Variants in AKT2 observed in about 807,000 individuals in gnomAD.
AKT2 encodes AKT serine/threonine kinase 2, also known as RAC-beta serine/threonine-protein kinase.
Under a neutral mutation model 58.6 loss-of-function variants are expected in AKT2, and 16 were observed. The ratio of observed to expected loss-of-function variants is 0.27; its 90% CI spans 0.18 to 0.41. The LOEUF (loss-of-function observed/expected upper bound fraction) is 0.41. Among genes scored for constraint, AKT2 ranks in the 10% least tolerant of loss-of-function variants. The pLI, the probability that AKT2 is intolerant of heterozygous loss-of-function variation, is 1.00. For synonymous variants in AKT2, 253 were observed against 254.0 expected (o/e 1.00, Z 0.04); for missense variants, 438 against 661.0 (o/e 0.66, Z 3.70).
chr19:40,254,441 T>A (rs958728927), intron 4 of AKT2, among the ~76,000 whole-genome samples: 1 of 150,684 alleles, frequency 6.6e-6, no homozygotes, highest in Non-Finnish European at 1.5e-5. Flanking sequence ...GGCAGGAGAA[T>A]CACTTGAACC....
At chr19:40,272,533 C>T (rs1002524296) in intron 1 of AKT2, among the ~76,000 whole-genome samples, 3 of 152,192 alleles carry the variant, frequency 2.0e-5, no homozygotes, top group African/African-American at 4.8e-5. Context: ...TTTTCTGAAA[C>T]GCACACACAC....
At chr19:40,250,658 T>C (rs1044026692) in intron 4 of AKT2, among the ~76,000 whole-genome samples, 4 of 151,880 alleles carry the variant, frequency 2.6e-5, no homozygotes, top group African/African-American at 7.3e-5. Flanking sequence ...TGAAACCCCA[T>C]CTCTACAAAA....
Position 40,235,982 on chromosome 19 carries a change from G to A in AKT2, c.1083C>T (p.Leu361=). ...YNQDHERLFE[L]ILMEEIRFPR... ...GGAAGCGGATCTCTTCCATGAGGAT[G>A]AGCTCGAAGAGGCGCTCGTGGTCCT... Residue 361 remains leucine (L), a synonymous_variant, in exon 11 of 14, where the codon CTC becomes CTT. Transcript: ENST00000392038. This position sits in a 1 kb window ranked among gnomAD's most constrained non-coding sequence, Gnocchi z 6.3. 1 of 1,614,106 alleles carries A rather than the reference G, an allele frequency of 6.2e-7. No individual in the cohort carries two copies. Among genetic ancestry groups the A allele is most frequent in the Non-Finnish European group, 8.5e-7 (1 of 1,180,040 alleles).
In AKT2 at chr19:40,242,721, G is replaced by C; in HGVS notation, c.288-34C>G. On this transcript the variant is annotated intron_variant, in intron 4 of 13. Coordinates refer to ENST00000392038, the MANE Select transcript of AKT2 (RefSeq NM_001626.6). The surrounding 1 kb of genome is among the most constrained non-coding windows in gnomAD (Gnocchi z 4.3). ...GGACACACGTGAGTCCCAGCAGCCA[G>C]GAGTCCTGGGCCTCAGAGTCGAACA... The C allele has an allele frequency of 4.4e-6, 7 of 1,606,042 alleles. No individual in the cohort carries two copies. Among genetic ancestry groups the C allele is most frequent in the Non-Finnish European group, 5.9e-6 (7 of 1,179,624 alleles).
chr19:40,275,222 G>A (rs762498267), intron 1 of AKT2: 2 of 456,840 alleles, frequency 4.4e-6, no homozygotes, highest in East Asian at 7.0e-5. Flanking sequence ...CCCATCTTGT[G>A]TCGCCTCCTC....
At chr19:40,265,492 G>C in intron 1 of AKT2, 141 bp from the exon 2 acceptor site, 1 of 1,145,184 alleles carries the variant, frequency 8.7e-7, no homozygotes, top group South Asian at 1.6e-5. Flanking sequence ...CGTGGAGCCC[G>C]CTCTCAAGGA....
In AKT2 at chr19:40,235,426, G is replaced by C. The variant is rs892948177; in HGVS notation, c.1176-76C>G. On this transcript the variant is annotated intron_variant, in intron 11 of 13. Transcript: ENST00000392038. The surrounding 1 kb of genome is among the most constrained non-coding windows in gnomAD (Gnocchi z 6.3). ...GCAGACGGGCTTTCGGAGCAGGCAG[G>C]CCCTGTATGGCCCTTAATGATTCTG... The C allele has an allele frequency of 2.5e-6, 3 of 1,222,998 alleles. No individual in the cohort carries two copies. Among genetic ancestry groups the C allele is most frequent in the Admixed American group, 3.5e-5 (2 of 57,796 alleles). The allele number at this position is 1,222,998 out of a possible 1,614,324, so 75.8% of individuals were successfully genotyped here. A position where few individuals can be genotyped will look rare whatever the true frequency, so the allele number is the denominator to read the frequency against.
intron 4 of AKT2, among the ~76,000 whole-genome samples, chr19:40,250,119 G>A (rs1975043126): frequency 6.6e-6 from 1 of 152,220 alleles, no homozygotes; most frequent in African/African-American, 2.4e-5. Context: ...GATCATACAG[G>A]ACTCTGCAGG....
intron 4 of AKT2, among the ~76,000 whole-genome samples, chr19:40,251,082 T>C (rs1357099964): frequency 1.3e-5 from 2 of 151,976 alleles, no homozygotes; most frequent in Admixed American, 6.6e-5. Flanking sequence ...TGCATACCTT[T>C]AGTCCCAGCT....
At chr19:40,265,188 A>G (rs1568560632) in intron 2 of AKT2, 34 bp downstream of exon 2, 6 of 1,607,844 alleles carry the variant, frequency 3.7e-6, no homozygotes, top group Non-Finnish European at 5.1e-6. Context: ...CCAGCGTGGG[A>G]GAAAGAATCT....
intron 4 of AKT2, among the ~76,000 whole-genome samples, chr19:40,248,365 G>T (rs1439605051): frequency 6.6e-6 from 1 of 152,236 alleles, no homozygotes; most frequent in Non-Finnish European, 1.5e-5. Context: ...GGGCACTGTG[G>T]ATGCAGCAGG....
Position 40,254,348 on chromosome 19 carries a change from C to T in AKT2, c.287+810G>A, listed in dbSNP as rs187565657. On this transcript the variant is annotated intron_variant, in intron 4 of 13. Transcript: ENST00000392038. ...TTCGAGACCAGTGTGGCCAACATGG[C>T]GAAATCCTGTCTCTACTAAAAATAC... Among the ~76,000 whole-genome samples the T allele has an allele frequency of 1.4e-3, 220 of 151,918 alleles. 1 individual carries two copies. Among genetic ancestry groups the T allele is most frequent in the Non-Finnish European group, 2.5e-3 (172 of 67,972 alleles).
rs753149827 is a variant in AKT2 at position 40,236,008 on chromosome 19, G to C, written c.1057C>G (p.Gln353Glu). Residue 353 changes from glutamine (Q) to glutamate (E), a missense_variant, in exon 11 of 14, where the codon CAG (glutamine) becomes GAG (glutamate). Coordinates refer to ENST00000392038, the MANE Select transcript of AKT2 (RefSeq NM_001626.6). ...MMCGRLPFYN[Q>E]DHERLFELIL... ...AGCTCGAAGAGGCGCTCGTGGTCCT[G>C]GTTGTAGAAGGGCAGGCGGCCGCAC... The C allele has an allele frequency of 6.2e-7, 1 of 1,614,124 alleles. No homozygotes were observed. Among genetic ancestry groups the C allele is most frequent in the East Asian group, 2.2e-5 (1 of 44,872 alleles).
chr19:40,285,188 C>T lies in AKT2; in HGVS notation c.-92G>A. ...ACGCGCTGGCGCACTCACCTGTCACCGGCAGCCGCCCAGCCTCTCCGGCGG... is the reference window on the plus strand; with the variant it reads ...ACGCGCTGGCGCACTCACCTGTCACTGGCAGCCGCCCAGCCTCTCCGGCGG... On this transcript the variant is annotated 5_prime_UTR_variant, in exon 1 of 14. Transcript: ENST00000392038. 2.5e-6 allele frequency: 1 copy of T among 394,536 alleles called. No individual in the cohort carries two copies. The highest frequency in any genetic ancestry group is 3.6e-5 in the East Asian group (1 of 27,796). 24.4% of individuals were successfully genotyped at this position (394,536 alleles called of 1,614,324 possible). A position where few individuals can be genotyped will look rare whatever the true frequency, so the allele number is the denominator to read the frequency against.
rs1306370329 is a variant in AKT2, at chr19:40,235,869, G to A, written c.1175+21C>T. ...GGCAGCAGCTGGCGCTGGGCTGGGT[G>A]GGGCCGACGCCAGCCCTCACCTCTG... On this transcript the variant is annotated intron_variant, in intron 11 of 13. Coordinates refer to ENST00000392038, the MANE Select transcript of AKT2 (RefSeq NM_001626.6). The surrounding 1 kb of genome is among the most constrained non-coding windows in gnomAD (Gnocchi z 6.3). 1 of 1,594,490 alleles carries A rather than the reference G, an allele frequency of 6.3e-7. No homozygotes were observed. Among genetic ancestry groups the A allele is most frequent in the East Asian group, 2.2e-5 (1 of 44,568 alleles).
intron 1 of AKT2, among the ~76,000 whole-genome samples, chr19:40,276,099 G>A (rs1306950652): frequency 6.6e-6 from 1 of 151,826 alleles, no homozygotes; most frequent in Non-Finnish European, 1.5e-5. Context: ...AGCACCGGGA[G>A]CTTAAAGGCA....
rs768539227 is a variant in AKT2 at position 40,242,559 on chromosome 19, G to A, written c.416C>T (p.Ala139Val). ...CACTTTAGCCCGTGCCTTGCTGACC[G>A]CCACTTCCATCTCCTCAGTCGTGGA... ...DSSTTEEMEV[A>V]VSKARAKVTM... is the part of the protein sequence containing the mutation. Residue 139 changes from alanine to valine, a missense_variant, in exon 5 of 14, where the codon GCG becomes GTG. Ala to Val is a moderately conservative substitution (Grantham distance 64). Around this residue, in one of 3 missense-constraint regions of AKT2, gnomAD observed 244 missense variants for 347.1 expected, o/e 0.70. Coordinates refer to ENST00000392038, the MANE Select transcript of AKT2 (RefSeq NM_001626.6). The surrounding 1 kb of genome is among the most constrained non-coding windows in gnomAD (Gnocchi z 4.3). The A allele has an allele frequency of 2.0e-5, 33 of 1,613,686 alleles. No individual in the cohort carries two copies. Among genetic ancestry groups the A allele is most frequent in the Non-Finnish European group, 2.7e-5 (32 of 1,180,028 alleles).
At position 40,236,027 on chromosome 19, in the gene AKT2, G is replaced by A. The variant is rs2145165080; in HGVS notation, c.1038C>T (p.Gly346=). The A allele has an allele frequency of 6.2e-7, 1 of 1,614,110 alleles. No homozygotes were observed. The highest frequency in any genetic ancestry group is 8.5e-7 in the Non-Finnish European group (1 of 1,180,020). Residue 346 remains glycine (G), a synonymous_variant, in exon 11 of 14, where the codon GGC becomes GGT. Transcript: ENST00000392038. The part of the protein sequence containing the change: ...LGVVMYEMMC[G]RLPFYNQDHE... ...GGTCCTGGTTGTAGAAGGGCAGGCG[G>A]CCGCACATCATCTCGTACATGACCA... is the stretch of plus-strand genomic sequence containing the variant.
chr19:40,257,849 G>A (rs905190479), intron 2 of AKT2, among the ~76,000 whole-genome samples: 1 of 152,170 alleles, frequency 6.6e-6, no homozygotes, highest in African/African-American at 2.4e-5. Context: ...GCTGCCATGT[G>A]GAGGGACCGT....
Sources: gnomAD v4.1 joint callset for allele counts (sites outside exome capture counted in the v4.1 genomes callset) on GRCh38, gnomAD v4.1.1 for gene constraint, gnomAD v4.1.1 regional missense constraint, Gnocchi (gnomAD v3.1) non-coding constraint, MANE v1.5 for transcripts, NCBI Gene and HGNC (gene_info 2026-07-23, HGNC 2026-07-21) for gene names.